Variants in OSBPL1A observed in about 807,000 individuals in gnomAD.
The protein encoded by OSBPL1A is oxysterol-binding protein-related protein 1.
A neutral mutation model predicts 137.1 loss-of-function variants in OSBPL1A; 80 were observed. The ratio of observed to expected loss-of-function variants is 0.58; its 90% CI spans 0.49 to 0.70. OSBPL1A has a LOEUF of 0.70. Among genes scored for constraint, OSBPL1A ranks in the 30% least tolerant of loss-of-function variants. OSBPL1A has a pLI of 0.00. For missense variants in OSBPL1A, 970 were observed against 1,129.4 expected, an observed-to-expected ratio of 0.86 and a Z score of 2.02; for synonymous variants, 365 against 389.7, an observed-to-expected ratio of 0.94 and a Z score of 0.75.
chr18:24,380,048 G>A (rs1203157844), intron 1 of OSBPL1A, among the ~76,000 whole-genome samples: 1 of 152,176 alleles, frequency 6.6e-6, no homozygotes, highest in South Asian at 2.1e-4. Flanking sequence ...GAATCAGAAT[G>A]ATTTTGACTT....
intron 15 of OSBPL1A, among the ~76,000 whole-genome samples, chr18:24,243,497 C>G (rs1212971850): frequency 3.3e-5 from 5 of 152,054 alleles, no homozygotes; most frequent in Admixed American, 6.6e-5. Context: ...CATTTTAATA[C>G]CTAAATTCAT....
intron 15 of OSBPL1A, among the ~76,000 whole-genome samples, chr18:24,259,218 C>T (rs1311703652): frequency 6.6e-6 from 1 of 152,026 alleles, no homozygotes; most frequent in Non-Finnish European, 1.5e-5. Context: ...AAAATTACAT[C>T]TTTTTAACTC....
intron 15 of OSBPL1A, among the ~76,000 whole-genome samples, chr18:24,273,226 G>T (rs2089763157): frequency 6.6e-6 from 1 of 152,140 alleles, no homozygotes. Flanking sequence ...TCTTTGAAAA[G>T]TCAGTTCATT....
chr18:24,323,276 G>T (rs2090900560), intron 7 of OSBPL1A, among the ~76,000 whole-genome samples: 1 of 151,878 alleles, frequency 6.6e-6, no homozygotes, highest in African/African-American at 2.4e-5. Context: ...AAAGAGACTG[G>T]GCACCATGGC....
chr18:24,198,551 T>C (rs887034385), intron 17 of OSBPL1A, among the ~76,000 whole-genome samples: 3 of 152,112 alleles, frequency 2.0e-5, no homozygotes, highest in Admixed American at 2.0e-4. Context: ...AGAGCCCATG[T>C]TATTTTCTTC....
intron 11 of OSBPL1A, among the ~76,000 whole-genome samples, chr18:24,316,905 G>A (rs1055087023): frequency 5.9e-5 from 9 of 152,142 alleles, no homozygotes; most frequent in South Asian, 2.1e-4. Context: ...AATATTTTTG[G>A]ACAATCCATC....
intron 1 of OSBPL1A, among the ~76,000 whole-genome samples, chr18:24,388,109 A>G (rs528447225): frequency 1.1e-4 from 16 of 152,316 alleles, no homozygotes; most frequent in African/African-American, 3.6e-4. Context: ...ACATTTCTGG[A>G]GAGTGGTCTG....
chr18:24,377,341 G>T, intron 2 of OSBPL1A, 72 bp downstream of exon 2: 1 of 1,470,064 alleles, frequency 6.8e-7, no homozygotes, highest in Non-Finnish European at 9.1e-7. Context: ...GATAAGAAAG[G>T]TTAGCATTAA....
In OSBPL1A at chr18:24,277,555, T is replaced by C. The variant is rs1178951635; in HGVS notation, c.1281+3287A>G. On this transcript the variant is annotated intron_variant, in intron 15 of 27. Coordinates refer to ENST00000319481, the MANE Select transcript of OSBPL1A (RefSeq NM_080597.4). ...TAAATAGGAGATTGTATTTTAAAAC[T>C]GAGTCAAAGAGAGCAAATAGCAGAG... 3.9e-5 allele frequency among the ~76,000 whole-genome samples: 6 copies of C among 152,326 alleles called. No individual in the cohort carries two copies. The South Asian group carries it at 1.2e-3, about 32-fold the overall frequency.
rs1404907649 is a variant in OSBPL1A, at chr18:24,377,265, G to C, written c.121+148C>G. The C allele has an allele frequency of 7.3e-6, 7 of 957,104 alleles. No individual in the cohort carries two copies. The African/African-American group carries it at 1.0e-4, about 14-fold the overall frequency. The allele number at this position is 957,104 out of a possible 1,614,324, so 59.3% of individuals were successfully genotyped here. A position where few individuals can be genotyped will look rare whatever the true frequency, so the allele number is the denominator to read the frequency against. ...CTTTCTCTGACTCAGAGGGGGCTAG[G>C]AGAGACATTTCCTCCAATCTGTGGG... On this transcript the variant is annotated intron_variant, in intron 2 of 27. Transcript: ENST00000319481.
chr18:24,289,418 G>GTTTTTTTTTTTT (rs536281272), intron 14 of OSBPL1A, among the ~76,000 whole-genome samples: 5 of 94,204 alleles, frequency 5.3e-5, no homozygotes, highest in Non-Finnish European at 7.9e-5. Context: ...GTTTTTTCCT[G>GTTTTTTTTTTTT]TTTTTTTTTT....
At chr18:24,239,505 C>T in intron 15 of OSBPL1A, 123 bp from the exon 16 acceptor site, 5 of 931,186 alleles carry the variant, frequency 5.4e-6, no homozygotes, top group African/African-American at 1.7e-5. Flanking sequence ...TGAAAACAGT[C>T]GTGTCACATG....
At chr18:24,243,765 C>G (rs1048709906) in intron 15 of OSBPL1A, among the ~76,000 whole-genome samples, 4 of 152,152 alleles carry the variant, frequency 2.6e-5, no homozygotes, top group African/African-American at 9.7e-5. Context: ...TCTGAGTGTA[C>G]TTTTATTAGT....
intron 2 of OSBPL1A, among the ~76,000 whole-genome samples, chr18:24,374,907 G>C (rs1411093849): frequency 6.6e-6 from 1 of 151,984 alleles, no homozygotes; most frequent in Non-Finnish European, 1.5e-5. Context: ...ATAGATTCGA[G>C]GAAAACCTGC....
chr18:24,284,596 T>C (rs1160761629), intron 14 of OSBPL1A, among the ~76,000 whole-genome samples: 1 of 150,232 alleles, frequency 6.7e-6, no homozygotes, highest in African/African-American at 2.4e-5. Flanking sequence ...AATTAATCCC[T>C]TGTACAGACA....
intron 7 of OSBPL1A, among the ~76,000 whole-genome samples, chr18:24,329,419 G>A (rs957574358): frequency 2.0e-5 from 3 of 151,664 alleles, no homozygotes; most frequent in Non-Finnish European, 2.9e-5. Context: ...GTGTGGTGGC[G>A]CATGCCTGTA....
At chr18:24,349,286 A>G (rs2091398343) in intron 4 of OSBPL1A, among the ~76,000 whole-genome samples, 1 of 152,176 alleles carries the variant, frequency 6.6e-6, no homozygotes, top group African/African-American at 2.4e-5. Context: ...ACTAGCACAA[A>G]GGAGAAAGAT....
In OSBPL1A at chr18:24,268,632, G is replaced by A. The variant is rs1445094739; in HGVS notation, c.1281+12210C>T. ...ATGCTTCAGTTCTTACCTGTCCTCT[G>A]GGCAGCTTGTCTCCCTTGATCTCCC... On this transcript the variant is annotated intron_variant, in intron 15 of 27. Transcript: ENST00000319481. Among the ~76,000 whole-genome samples, 4 of 151,828 alleles carry A rather than the reference G, an allele frequency of 2.6e-5. No homozygotes were observed. In the East Asian group the frequency reaches 5.8e-4, roughly 22 times the overall value.
chr18:24,275,251 G>A (rs2089818856), intron 15 of OSBPL1A, among the ~76,000 whole-genome samples: 1 of 152,108 alleles, frequency 6.6e-6, no homozygotes, highest in Non-Finnish European at 1.5e-5. Flanking sequence ...ATTTTTTGAA[G>A]CAAGGTCCCC....
Sources: gnomAD v4.1 joint callset for allele counts (sites outside exome capture counted in the v4.1 genomes callset) on GRCh38, gnomAD v4.1.1 for gene constraint, MANE v1.5 for transcripts, NCBI Gene and HGNC (gene_info 2026-07-23, HGNC 2026-07-21) for gene names.